The following PLEKHG1 variants were observed in gnomAD, a reference collection of about 807,000 sequenced individuals.
PLEKHG1 encodes pleckstrin homology and RhoGEF domain containing G1.
Under a neutral mutation model 100.8 loss-of-function variants are expected in PLEKHG1, and 44 were observed. The observed-to-expected ratio is 0.44, with a 90% confidence interval of 0.34 to 0.56. The LOEUF (loss-of-function observed/expected upper bound fraction) is 0.56. Among genes scored for constraint, PLEKHG1 ranks in the 20% least tolerant of loss-of-function variants. The probability of loss-of-function intolerance (pLI) is 0.01; values close to 1 mark genes in which losing one functional copy is unlikely to be tolerated. For missense variants in PLEKHG1, 1,545 were observed against 1,720.9 expected (o/e 0.90, Z 1.81); for synonymous variants, 640 against 662.5 (o/e 0.97, Z 0.52).
chr6:150,806,350 T>C (rs1787102009), intron 7 of PLEKHG1, among the ~76,000 whole-genome samples: 2 of 151,854 alleles, frequency 1.3e-5, no homozygotes, highest in Non-Finnish European at 2.9e-5. Flanking sequence ...AGTTTCACTT[T>C]CTGCAGTTTC....
intron 3 of PLEKHG1, among the ~76,000 whole-genome samples, chr6:150,675,455 T>G (rs554578902): frequency 8.9e-4 from 136 of 152,374 alleles, no homozygotes; most frequent in African/African-American, 3.1e-3. Context: ...CTTTCTGGAT[T>G]AGTGGAGAAA....
chr6:150,783,169 TA>T (rs71014520), intron 3 of PLEKHG1, among the ~76,000 whole-genome samples: 6,962 of 79,372 alleles, frequency 0.088, 201 homozygotes, highest in South Asian at 0.12. Context: ...GAAAAAAAAC[TA>T]AAAAAAAAAA....
intron 3 of PLEKHG1, among the ~76,000 whole-genome samples, chr6:150,707,613 ATG>A (rs1781077618): frequency 6.6e-6 from 1 of 152,014 alleles, no homozygotes; most frequent in Admixed American, 6.6e-5. Flanking sequence ...GTGTTAACTC[ATG>A]TTGATCCCTT....
chr6:150,837,907 C>T (rs1022854949), intron 15 of PLEKHG1, among the ~76,000 whole-genome samples: 41 of 152,190 alleles, frequency 2.7e-4, no homozygotes, highest in African/African-American at 9.2e-4. Flanking sequence ...GAAATTTCAA[C>T]ACTAATAATC....
chr6:150,770,415 CT>C (rs1784666702), intron 3 of PLEKHG1, among the ~76,000 whole-genome samples: 1 of 152,200 alleles, frequency 6.6e-6, no homozygotes, highest in Admixed American at 6.6e-5. Context: ...TACAACAGAA[CT>C]TTTTTCATTT....
chr6:150,677,835 C>T (rs894675887), intron 3 of PLEKHG1, among the ~76,000 whole-genome samples: 1 of 151,730 alleles, frequency 6.6e-6, no homozygotes, highest in Non-Finnish European at 1.5e-5. Context: ...TGTAATTATG[C>T]CACTGTACTC....
At chr6:150,775,645 T>C (rs1257027042) in intron 3 of PLEKHG1, among the ~76,000 whole-genome samples, 5 of 152,182 alleles carry the variant, frequency 3.3e-5, no homozygotes, top group Non-Finnish European at 7.3e-5. Flanking sequence ...GAGGGGGACT[T>C]TACAGAGCAA....
chr6:150,830,968 T>A, exon 15 of PLEKHG1: 1 of 1,613,774 alleles, frequency 6.2e-7, no homozygotes, highest in Non-Finnish European at 8.5e-7. Flanking sequence ...ACACATGCCC[T>A]CCTGAAATAG....
intron 3 of PLEKHG1, among the ~76,000 whole-genome samples, chr6:150,704,987 T>A (rs184210576): frequency 2.3e-4 from 35 of 152,302 alleles, no homozygotes; most frequent in African/African-American, 7.9e-4. Context: ...TATGACCTCA[T>A]TTAATTCCAC....
chr6:150,662,388 T>G (rs1346365306), intron 3 of PLEKHG1: 1 of 152,228 alleles, frequency 6.6e-6, no homozygotes, highest in Non-Finnish European at 1.5e-5. Flanking sequence ...AAAGAGTGTT[T>G]TGGAACAAGC....
chr6:150,714,433 A>G (rs549169291), intron 3 of PLEKHG1, among the ~76,000 whole-genome samples: 5 of 152,332 alleles, frequency 3.3e-5, no homozygotes, highest in Admixed American at 3.3e-4. Flanking sequence ...TAGAGTCTGG[A>G]ACGTGTGCCC....
rs114432483 is a variant in PLEKHG1, at chr6:150,658,244, G to T, written c.-99+7458G>T. On this transcript the variant is annotated intron_variant, in intron 3 of 3. Coordinates refer to the PLEKHG1 transcript ENST00000367326. Reference sequence around the variant, plus strand: ...ACAGGAAAGCCTGTTCTAGAGGAAGGTTACATCTGTGATAAAAACTTTTAG... The same window carrying T: ...ACAGGAAAGCCTGTTCTAGAGGAAGTTTACATCTGTGATAAAAACTTTTAG... 3.7e-3 allele frequency among the ~76,000 whole-genome samples: 570 copies of T among 152,258 alleles called. 1 individual carries two copies. Among genetic ancestry groups the T allele is most frequent in the African/African-American group, 0.013 (538 of 41,536 alleles).
At chr6:150,809,475 A>T in exon 9 of PLEKHG1, 1 of 1,612,734 alleles carries the variant, frequency 6.2e-7, no homozygotes, top group South Asian at 1.1e-5. Flanking sequence ...CACACAGTCC[A>T]GGTAGCAGCC....
intron 13 of PLEKHG1, among the ~76,000 whole-genome samples, chr6:150,822,738 G>A (rs1237971988): frequency 6.6e-6 from 1 of 152,208 alleles, no homozygotes; most frequent in Non-Finnish European, 1.5e-5. Context: ...CCAACACTTT[G>A]GGAGGCCGAG....
chr6:150,719,371 G>A (rs996425802), upstream of PLEKHG1, among the ~76,000 whole-genome samples: 3 of 152,122 alleles, frequency 2.0e-5, no homozygotes, highest in African/African-American at 4.8e-5. Flanking sequence ...GGCTGTGCAC[G>A]ATGGATGAGT....
At chr6:150,689,701 A>G (rs1371743393) in intron 3 of PLEKHG1, among the ~76,000 whole-genome samples, 2 of 152,122 alleles carry the variant, frequency 1.3e-5, no homozygotes, top group Non-Finnish European at 2.9e-5. Flanking sequence ...ACTAAATGCA[A>G]AAGATTAGCC....
intron 1 of PLEKHG1, among the ~76,000 whole-genome samples, chr6:150,612,411 T>C (rs1484187469): frequency 2.0e-5 from 3 of 152,094 alleles, no homozygotes; most frequent in African/African-American, 7.2e-5. Flanking sequence ...CGGTTCCTTG[T>C]AACCTCTGCC....
At chr6:150,762,272 C>T (rs1034093119) in intron 2 of PLEKHG1, among the ~76,000 whole-genome samples, 2 of 151,786 alleles carry the variant, frequency 1.3e-5, no homozygotes, top group African/African-American at 4.8e-5. Context: ...TCACTTCAAC[C>T]TCTGCCTCCC....
At chr6:150,709,569 T>G (rs1353911836) in intron 3 of PLEKHG1, among the ~76,000 whole-genome samples, 1 of 152,192 alleles carries the variant, frequency 6.6e-6, no homozygotes, top group Non-Finnish European at 1.5e-5. Flanking sequence ...TCTTCTTAAA[T>G]GTCAGAGACT....
Sources: gnomAD v4.1 joint callset for allele counts (sites outside exome capture counted in the v4.1 genomes callset) on GRCh38, gnomAD v4.1.1 for gene constraint, MANE v1.5 for transcripts, NCBI Gene and HGNC (gene_info 2026-07-23, HGNC 2026-07-21) for gene names.